ACR: variants seen among roughly 807,000 people sequenced by gnomAD.
ACR encodes acrosin.
Under a neutral mutation model 26.0 loss-of-function variants are expected in ACR, and 17 were observed. The observed-to-expected ratio is 0.65, with a 90% CI of 0.45 to 0.98. The LOEUF (loss-of-function observed/expected upper bound fraction) is 0.98, where lower values mean the gene tolerates loss of function less well. Among genes scored for constraint, ACR ranks in the 50% least tolerant of loss-of-function variants. ACR has a pLI of 0.00. For missense variants in ACR, 435 were observed against 519.3 expected (o/e 0.84, Z 1.58); for synonymous variants, 199 against 207.7 (o/e 0.96, Z 0.36).
In ACR at chr22:50,739,485, G is replaced by A; in HGVS notation, c.281+11G>A. On this transcript the variant is annotated intron_variant, in intron 2 of 4. Coordinates refer to ENST00000216139, the MANE Select transcript of ACR (RefSeq NM_001097.3). This position sits in a 1 kb window ranked among gnomAD's most constrained non-coding sequence, Gnocchi z 5.5. Reference sequence around the variant, plus strand: ...CTTCGTCGGCAAAAAGTACGTGTAGGGATGCACTGAGGGAGGTCTTCAGAA... The same window carrying A: ...CTTCGTCGGCAAAAAGTACGTGTAGAGATGCACTGAGGGAGGTCTTCAGAA... 4 of 1,613,990 alleles carry A rather than the reference G, an allele frequency of 2.5e-6. No homozygotes were observed. The highest frequency in any genetic ancestry group is 3.4e-6 in the Non-Finnish European group (4 of 1,179,916).
intron 3 of ACR, chr22:50,740,822 G>A (rs2083421958): frequency 7.5e-6 from 5 of 665,310 alleles, no homozygotes; most frequent in Admixed American, 2.1e-5. Context: ...CCAGGCTCAC[G>A]GAGGGCCCCA....
In ACR at chr22:50,739,594, G is replaced by A. The variant is rs147948077; in HGVS notation, c.282-100G>A. 9.8e-5 allele frequency: 152 copies of A among 1,556,664 alleles called. No homozygotes were observed. In the East Asian group the frequency reaches 3.1e-3, roughly 32 times the overall value. ...CTGGGCCAAGTGGCTGCAAGACTCC[G>A]GGGGCTGGTCCAGACCTTTGCTAGG... On this transcript the variant is annotated intron_variant, in intron 2 of 4. Coordinates refer to ENST00000216139, the MANE Select transcript of ACR (RefSeq NM_001097.3). The surrounding 1 kb of genome is among the most constrained non-coding windows in gnomAD (Gnocchi z 5.5).
At chr22:50,740,572 C>T (rs2283675) in intron 3 of ACR, 16 of 701,868 alleles carry the variant, frequency 2.3e-5, no homozygotes, top group South Asian at 1.6e-4. Flanking sequence ...GGAAGGGGAC[C>T]GGTGGTTGGT....
intron 3 of ACR, chr22:50,743,462 C>T (rs1000082147): frequency 8.4e-5 from 13 of 154,308 alleles, no homozygotes; most frequent in Non-Finnish European, 1.7e-4. Context: ...AGATATGCAG[C>T]ATATGGGGAG....
At chr22:50,742,646 ACT>A (rs2083430194) in intron 3 of ACR, among the ~76,000 whole-genome samples, 1 of 152,058 alleles carries the variant, frequency 6.6e-6, no homozygotes, top group Non-Finnish European at 1.5e-5. Flanking sequence ...CATGTACAAA[ACT>A]CTCACTGCTG....
intron 3 of ACR, among the ~76,000 whole-genome samples, chr22:50,741,438 G>A (rs1027870250): frequency 1.2e-4 from 18 of 151,950 alleles, no homozygotes; most frequent in African/African-American, 4.3e-4. Context: ...GATGTCCACA[G>A]CTCTTGGGGG....
intron 3 of ACR, chr22:50,740,549 G>T (rs2083420695): frequency 1.4e-6 from 1 of 701,306 alleles, no homozygotes; most frequent in Non-Finnish European, 2.6e-6. Flanking sequence ...CTTGACATTT[G>T]CTCTGTAGAC....
Position 50,744,193 on chromosome 22 carries a change from T to C in ACR, c.698T>C (p.Ile233Thr). 6.2e-7 allele frequency: 1 copy of C among 1,613,602 alleles called. No homozygotes were observed. The highest frequency in any genetic ancestry group is 8.5e-7 in the Non-Finnish European group (1 of 1,179,754). The change falls in exon 4 of 5, where the codon ATC (isoleucine) becomes ACC (threonine). Residue 233 changes from isoleucine to threonine, a missense_variant. This residue lies in a region of ACR where 314 missense variants were observed against 372.0 expected (regional missense o/e 0.84). Coordinates refer to ENST00000216139, the MANE Select transcript of ACR (RefSeq NM_001097.3). ...NVCAGYPVGK[I>T]DTCQGDSGGP... The stretch of plus-strand genomic sequence containing the variant: ...TGCGCGGGGTATCCTGTAGGCAAGA[T>C]CGACACCTGCCAGGTAACCTTCCTT...
At position 50,739,656 on chromosome 22, in the gene ACR, C is replaced by A. The variant is rs767026641; in HGVS notation, c.282-38C>A. ...AGGGTCGCTGTCACCAGGCTTTTGT[C>A]CAGCCGGTTGTGACCTGGCTTACCT... On this transcript the variant is annotated intron_variant, in intron 2 of 4. Transcript: ENST00000216139. The surrounding 1 kb of genome is among the most constrained non-coding windows in gnomAD (Gnocchi z 5.5). 3.2e-5 allele frequency: 50 copies of A among 1,539,662 alleles called. No homozygotes were observed. The highest frequency in any genetic ancestry group is 4.4e-5 in the Non-Finnish European group (50 of 1,143,940).
intron 3 of ACR, among the ~76,000 whole-genome samples, chr22:50,743,124 C>G (rs1317901216): frequency 6.6e-6 from 1 of 151,154 alleles, no homozygotes; most frequent in African/African-American, 2.4e-5. Flanking sequence ...CAAGCTCCGC[C>G]TCCCGGGTTC....
rs1243625382 is a variant in ACR at position 50,738,332 on chromosome 22, G to C, written c.77+20G>C. On this transcript the variant is annotated intron_variant, in intron 1 of 4. Coordinates refer to ENST00000216139, the MANE Select transcript of ACR (RefSeq NM_001097.3). ...GTGTGAGTAAGTGTCGGGGCACCTT[G>C]GTGGGGGAAGGATCTTCTGAGGAGC... 1 of 1,612,076 alleles carries C rather than the reference G, an allele frequency of 6.2e-7. No individual in the cohort carries two copies. The highest frequency in any genetic ancestry group is 8.5e-7 in the Non-Finnish European group (1 of 1,178,790).
chr22:50,739,307 G>C lies in ACR; in HGVS notation c.114G>C (p.Gln38His). 1 of 1,598,496 alleles carries C rather than the reference G, an allele frequency of 6.3e-7. No homozygotes were observed. Among genetic ancestry groups the C allele is most frequent in the South Asian group, 1.1e-5 (1 of 88,728 alleles). ...GGTTACGGTTCAGGCAAAACCCACA[G>C]GGTGGTGTCCGCATCGTCGGCGGGA... is the stretch of plus-strand genomic sequence containing the variant. The part of the protein sequence containing the change: ...PCGLRFRQNP[Q>H]GGVRIVGGKA... The change falls in exon 2 of 5, where the codon CAG becomes CAC. Residue 38 changes from glutamine (Q) to histidine (H), a missense_variant. Physicochemically the swap from Gln to His is conservative, Grantham distance 24. This residue lies in a region of ACR where 314 missense variants were observed against 372.0 expected (regional missense o/e 0.84). Coordinates refer to ENST00000216139, the MANE Select transcript of ACR (RefSeq NM_001097.3). The surrounding 1 kb of genome is among the most constrained non-coding windows in gnomAD (Gnocchi z 5.5).
chr22:50,742,751 T>C (rs1258528189), intron 3 of ACR, among the ~76,000 whole-genome samples: 2 of 152,188 alleles, frequency 1.3e-5, no homozygotes, highest in East Asian at 1.9e-4. Flanking sequence ...ACGCCTGCTG[T>C]GTGCCGAGCC....
At chr22:50,743,958 G>A in intron 3 of ACR, 103 bp from the exon 4 acceptor site, 1 of 891,276 alleles carries the variant, frequency 1.1e-6, no homozygotes, top group South Asian at 1.4e-5. Flanking sequence ...TGGGTCTGAG[G>A]TTTAACTGGA....
intron 1 of ACR, among the ~76,000 whole-genome samples, chr22:50,738,560 G>A (rs907775727): frequency 1.2e-4 from 18 of 151,628 alleles, no homozygotes; most frequent in Non-Finnish European, 1.9e-4. Context: ...CTGTCTTGAA[G>A]ACATGAAGTC....
intron 3 of ACR, 78 bp downstream of exon 3, chr22:50,740,055 T>C (rs1413131290): frequency 1.9e-6 from 3 of 1,582,708 alleles, no homozygotes; most frequent in Middle Eastern, 1.7e-4. Flanking sequence ...CGGTCACTTG[T>C]TGACACCCAG....
intron 3 of ACR, among the ~76,000 whole-genome samples, chr22:50,741,079 T>G (rs1247154748): frequency 6.6e-6 from 1 of 152,230 alleles, no homozygotes; most frequent in Admixed American, 6.5e-5. Context: ...TTTTTCTTGA[T>G]AATGGATAAT....
chr22:50,740,038 G>A (rs1318039912), intron 3 of ACR, 61 bp downstream of exon 3: 2 of 1,604,164 alleles, frequency 1.2e-6, no homozygotes, highest in African/African-American at 2.7e-5. Flanking sequence ...TGGTCTTTGA[G>A]GTGCAGCGGT....
Position 50,742,523 on chromosome 22 carries a change from G to A in ACR, c.566-1538G>A, listed in dbSNP as rs944120003. On this transcript the variant is annotated intron_variant, in intron 3 of 4. Transcript: ENST00000216139. ...GGCGCCACCGCACTCCAGCCTGGGC[G>A]ACAGAGCAAGACTCCGTCTCAAAAA... Among the ~76,000 whole-genome samples, 9 of 138,734 alleles carry A rather than the reference G, an allele frequency of 6.5e-5. No homozygotes were observed. The South Asian group carries it at 7.1e-4, about 11-fold the overall frequency. 91.0% of individuals were successfully genotyped at this position (138,734 alleles called of 152,430 possible).
Sources: gnomAD v4.1 joint callset for allele counts (sites outside exome capture counted in the v4.1 genomes callset) on GRCh38, gnomAD v4.1.1 for gene constraint, gnomAD v4.1.1 regional missense constraint, Gnocchi (gnomAD v3.1) non-coding constraint, MANE v1.5 for transcripts, NCBI Gene and HGNC (gene_info 2026-07-23, HGNC 2026-07-21) for gene names.